PHKA2: variants seen among roughly 807,000 people sequenced by gnomAD.
PHKA2 encodes the protein phosphorylase b kinase regulatory subunit alpha, liver isoform.
PHKA2 carries 31 observed loss-of-function variants against 102.0 expected under a neutral mutation model. That is an observed-to-expected ratio of 0.30 (90% CI 0.23 to 0.41). PHKA2 has a LOEUF of 0.41. PHKA2 is among the 10% of genes least tolerant of loss of function. PHKA2 has a pLI of 1.00. For synonymous variants in PHKA2, 455 were observed against 416.2 expected, an observed-to-expected ratio of 1.09 and a Z score of -1.13; for missense variants, 858 against 1,023.1, an observed-to-expected ratio of 0.84 and a Z score of 2.20.
At chrX:18,916,272 G>A (rs1472255579) in intron 19 of PHKA2, among the ~76,000 whole-genome samples, 3 of 111,191 alleles carry the variant, frequency 2.7e-5, no homozygotes, top group African/African-American at 3.3e-5. Flanking sequence ...AAAATTAGCC[G>A]GATGTGATGG....
intron 12 of PHKA2, among the ~76,000 whole-genome samples, chrX:18,930,162 T>C: frequency 1.8e-5 from 2 of 112,158 alleles, no homozygotes; most frequent in Non-Finnish European, 3.8e-5. Flanking sequence ...GTTAAGTATA[T>C]CTGCATGCCC....
chrX:18,982,301 C>T (rs764379117), intron 1 of PHKA2, among the ~76,000 whole-genome samples: 1 of 111,922 alleles, frequency 8.9e-6, no homozygotes, highest in East Asian at 2.8e-4. Context: ...AAGTTTGCAG[C>T]AAGCTCTTTT....
chrX:18,963,574 C>T (rs2048898797), intron 1 of PHKA2, among the ~76,000 whole-genome samples: 1 of 112,122 alleles, frequency 8.9e-6, no homozygotes, highest in South Asian at 3.7e-4. Context: ...AATAAATTCT[C>T]TCTTGTGCTT....
In PHKA2 at chrX:18,916,143, G is replaced by A. The variant is rs191529925; in HGVS notation, c.2137+2538C>T. On this transcript the variant is annotated intron_variant, in intron 19 of 32. Coordinates refer to ENST00000379942, the MANE Select transcript of PHKA2 (RefSeq NM_000292.3). ...TCAAAAATCAGAATGAGCCGGGCACGGTGGCTCACGCCTGTAATCCCAGCA... is the reference window on the plus strand; with the variant it reads ...TCAAAAATCAGAATGAGCCGGGCACAGTGGCTCACGCCTGTAATCCCAGCA... Among the ~76,000 whole-genome samples, 797 of 112,139 alleles carry A rather than the reference G, an allele frequency of 7.1e-3. 9 individuals are homozygous for A. The highest frequency in any genetic ancestry group is 0.024 in the African/African-American group (746 of 30,868).
chrX:18,897,179 C>T lies in PHKA2; in HGVS notation c.3266G>A (p.Trp1089Ter). Reference sequence around the variant, plus strand: ...TCGGCTTACCTTCTGGAGGATCTTCCACACCCTCTGGTAGAATCCCACGGG... The same window carrying T: ...TCGGCTTACCTTCTGGAGGATCTTCTACACCCTCTGGTAGAATCCCACGGG... ...RVPVGFYQRV[W>*]KILQKCHGLS... Residue 1089 changes from tryptophan (W) to a stop codon, truncating the protein, a stop_gained, in exon 30 of 33, where the codon TGG (tryptophan) becomes TAG (stop). Transcript: ENST00000379942. LOFTEE classifies it high-confidence loss of function. 1 of 1,211,628 alleles carries T rather than the reference C, an allele frequency of 8.3e-7. No individual in the cohort carries two copies.
At chrX:18,925,412 G>A (rs192027453) in intron 15 of PHKA2, among the ~76,000 whole-genome samples, 29 of 112,212 alleles carry the variant, frequency 2.6e-4, no homozygotes, top group Middle Eastern at 4.7e-3. Flanking sequence ...TGTGAGTCAA[G>A]TGACATGTCA....
intron 6 of PHKA2, among the ~76,000 whole-genome samples, chrX:18,944,857 G>A (rs1022823255): frequency 8.9e-6 from 1 of 112,327 alleles, no homozygotes; most frequent in African/African-American, 3.2e-5. Flanking sequence ...CCAGGACGGA[G>A]CACTCTTACT....
chrX:18,913,053 G>A (rs1427312996), intron 19 of PHKA2, among the ~76,000 whole-genome samples: 2 of 107,137 alleles, frequency 1.9e-5, no homozygotes, highest in Non-Finnish European at 3.9e-5. Flanking sequence ...ACTTCAGCCT[G>A]GGTGACAGAG....
chrX:18,959,984 G>T (rs1231221498), intron 1 of PHKA2, among the ~76,000 whole-genome samples: 1 of 111,065 alleles, frequency 9.0e-6, no homozygotes, highest in Non-Finnish European at 1.9e-5. Flanking sequence ...AAGGGGCCAA[G>T]AGCTGAACAG....
At position 18,900,365 on chromosome X, in the gene PHKA2, C is replaced by T. The variant is rs139634259; in HGVS notation, c.3057+305G>A. Reference sequence around the variant, plus strand: ...ATATAACCAATGACCGCATTTCCCCCCCATTTAGTTTTCTATTTAGTTCCC... The same window carrying T: ...ATATAACCAATGACCGCATTTCCCCTCCATTTAGTTTTCTATTTAGTTCCC... On this transcript the variant is annotated intron_variant, in intron 28 of 32. Transcript: ENST00000379942. 4.8e-3 allele frequency among the ~76,000 whole-genome samples: 536 copies of T among 111,671 alleles called. 2 individuals carry two copies. The highest frequency in any genetic ancestry group is 8.5e-3 in the Non-Finnish European group (449 of 53,131).
chrX:18,928,939 A>G (rs760854092), intron 13 of PHKA2, among the ~76,000 whole-genome samples: 1 of 112,913 alleles, frequency 8.9e-6, no homozygotes, highest in South Asian at 3.6e-4. Context: ...TTTTCAAAGA[A>G]TAACAATGAT....
Position 18,948,050 on chromosome X carries a change from C to T in PHKA2, c.537+694G>A, listed in dbSNP as rs181061513. On this transcript the variant is annotated intron_variant, in intron 5 of 32. Transcript: ENST00000379942. ...ATAAAAGACTACAAATAGGGTGCAG[C>T]GTATACTGCCCGGGTGATGGGTGCA... 9.9e-5 allele frequency among the ~76,000 whole-genome samples: 11 copies of T among 111,576 alleles called. No individual in the cohort carries two copies. In the East Asian group the frequency reaches 2.3e-3, roughly 23 times the overall value.
intron 19 of PHKA2, among the ~76,000 whole-genome samples, chrX:18,914,763 A>G (rs2047991564): frequency 8.9e-6 from 1 of 112,062 alleles, no homozygotes; most frequent in Non-Finnish European, 1.9e-5. Context: ...AGCTCCAGGC[A>G]ACCAGGCCCT....
At chrX:18,897,409 G>A (rs1033833079) in intron 29 of PHKA2, 76 bp from the exon 30 acceptor site, 12 of 1,008,040 alleles carry the variant, frequency 1.2e-5, no homozygotes, top group Admixed American at 5.0e-5. Context: ...CTCGAAGGGC[G>A]GCCCTGCGAC....
intron 2 of PHKA2, among the ~76,000 whole-genome samples, chrX:18,954,000 T>C (rs770133084): frequency 2.7e-5 from 3 of 110,194 alleles, no homozygotes; most frequent in Non-Finnish European, 5.7e-5. Context: ...AAAAAAGAAA[T>C]GTGGTTGCTT....
At chrX:18,943,106 C>T (rs189545949) in intron 7 of PHKA2, among the ~76,000 whole-genome samples, 62 of 111,696 alleles carry the variant, frequency 5.6e-4, no homozygotes, top group African/African-American at 1.8e-3. Flanking sequence ...TTCTTTAGCC[C>T]CAGCAACGTA....
intron 1 of PHKA2, among the ~76,000 whole-genome samples, chrX:18,965,761 A>G: frequency 8.9e-6 from 1 of 111,913 alleles, no homozygotes; most frequent in East Asian, 2.8e-4. Flanking sequence ...TTTTATGAAC[A>G]TTAATTATGT....
chrX:18,906,485 G>A lies in PHKA2; in HGVS notation c.2806+10C>T. The A allele has an allele frequency of 8.3e-7, 1 of 1,211,626 alleles. No homozygotes were observed. Among genetic ancestry groups the A allele is most frequent in the Non-Finnish European group, 1.1e-6 (1 of 895,154 alleles). On this transcript the variant is annotated intron_variant, in intron 25 of 32. Coordinates refer to ENST00000379942, the MANE Select transcript of PHKA2 (RefSeq NM_000292.3). ...TGCGGCGGGAGCTGCAGGAGCTGCG[G>A]GCATCTCACCTGAGCAGTTCAGGCT...
At chrX:18,920,372 T>G (rs1408049670) in intron 17 of PHKA2, among the ~76,000 whole-genome samples, 171 bp from the exon 18 acceptor site, 2 of 111,770 alleles carry the variant, frequency 1.8e-5, no homozygotes, top group Non-Finnish European at 3.8e-5. Flanking sequence ...AAACAAAAAT[T>G]CAATAGCAAG....
Sources: allele counts gnomAD v4.1 joint callset (sites outside exome capture counted in the v4.1 genomes callset), GRCh38; gene constraint gnomAD v4.1.1; transcripts MANE v1.5; gene names NCBI Gene and HGNC (gene_info 2026-07-23, HGNC 2026-07-21).